The following UNC80 variants were observed in gnomAD, a reference collection of about 807,000 sequenced individuals.
UNC80 encodes the protein protein unc-80 homolog.
A neutral mutation model predicts 384.6 loss-of-function variants in UNC80; 164 were observed. The observed-to-expected ratio is 0.43, with a 90% CI of 0.38 to 0.49. The LOEUF is 0.49. Ranked by LOEUF, UNC80 falls within the 20% of genes least tolerant of loss-of-function variation. The probability of loss-of-function intolerance (pLI) is 0.00; values close to 1 mark genes in which losing one functional copy is unlikely to be tolerated. For missense variants in UNC80, 3,330 were observed against 4,143.0 expected (o/e 0.80, Z 5.39); for synonymous variants, 1,486 against 1,527.8 (o/e 0.97, Z 0.64).
At chr2:209,926,322 A>G (rs1348028825) in intron 35 of UNC80, among the ~76,000 whole-genome samples, 4 of 152,214 alleles carry the variant, frequency 2.6e-5, no homozygotes, top group African/African-American at 7.2e-5. Flanking sequence ...CTACCAAACA[A>G]GAATAATAGT....
At chr2:209,933,215 T>A (rs1335247799) in intron 38 of UNC80, among the ~76,000 whole-genome samples, 1 of 152,156 alleles carries the variant, frequency 6.6e-6, no homozygotes, top group Non-Finnish European at 1.5e-5. Context: ...GAATGAGGCA[T>A]TTTAGATGTC....
chr2:209,981,608 CAAAA>C (rs375697821), intron 59 of UNC80, among the ~76,000 whole-genome samples: 2 of 151,862 alleles, frequency 1.3e-5, no homozygotes, highest in African/African-American at 2.4e-5. Context: ...CAAAACAAAA[CAAAA>C]AAAACTCTGC....
chr2:209,994,568 C>T (rs1328551870), intron 64 of UNC80, among the ~76,000 whole-genome samples: 1 of 152,082 alleles, frequency 6.6e-6, no homozygotes, highest in Non-Finnish European at 1.5e-5. Flanking sequence ...ATCCCTAATA[C>T]AAAAATCTGA....
chr2:209,789,258 G>T (rs2077647138), intron 5 of UNC80, among the ~76,000 whole-genome samples: 1 of 152,162 alleles, frequency 6.6e-6, no homozygotes, highest in African/African-American at 2.4e-5. Flanking sequence ...CTGAGTAGGT[G>T]TTAACTATTA....
chr2:209,941,391 C>G lies in UNC80; in HGVS notation c.6817C>G (p.Leu2273Val). 1 of 1,549,884 alleles carries G rather than the reference C, an allele frequency of 6.5e-7. No individual in the cohort carries two copies. The highest frequency in any genetic ancestry group is 8.7e-7 in the Non-Finnish European group (1 of 1,146,088). Residue 2273 changes from leucine to valine, a missense_variant, in exon 44 of 65, where the codon CTC becomes GTC. Leu to Val is a conservative substitution (Grantham distance 32, BLOSUM62 1). Around this residue, in one of 8 missense-constraint regions of UNC80, gnomAD observed 1,049 missense variants for 1,488.6 expected, o/e 0.70. Coordinates refer to ENST00000673920, the MANE Select transcript of UNC80 (RefSeq NM_001371986.1). ...CCTCCACCCGGAAGACAGTGCCCTGCTCAGGCAGTATGCTGCCACCGTCAT... is the reference window on the plus strand; with the variant it reads ...CCTCCACCCGGAAGACAGTGCCCTGGTCAGGCAGTATGCTGCCACCGTCAT... ...LILHPEDSALLRQYAATVINT... is the reference protein window; with the variant it reads ...LILHPEDSALVRQYAATVINT...
In UNC80 at chr2:209,839,155, G is replaced by T. The variant is rs893756810; in HGVS notation, c.3042-67G>T. ...GCCTAAATATCATTGACAGGAAGAT[G>T]AAAGAAATTTAGGAGAATTTCTCAA... On this transcript the variant is annotated intron_variant, in intron 18 of 64. Transcript: ENST00000673920. This position sits in a 1 kb window ranked among gnomAD's most constrained non-coding sequence, Gnocchi z 4.1. 3 of 1,409,066 alleles carry T rather than the reference G, an allele frequency of 2.1e-6. No homozygotes were observed. The highest frequency in any genetic ancestry group is 2.6e-5 in the South Asian group (2 of 77,988). The allele number at this position is 1,409,066 out of a possible 1,614,324, so 87.3% of individuals were successfully genotyped here.
At chr2:209,827,294 A>G (rs1323961270) in intron 14 of UNC80, among the ~76,000 whole-genome samples, 1 of 152,148 alleles carries the variant, frequency 6.6e-6, no homozygotes, top group African/African-American at 2.4e-5. Flanking sequence ...ATCACTCCCC[A>G]TGCAGAAGAC....
chr2:209,850,712 A>G (rs1236975439), intron 22 of UNC80, among the ~76,000 whole-genome samples: 1 of 152,106 alleles, frequency 6.6e-6, no homozygotes, highest in African/African-American at 2.4e-5. Context: ...ACCTTTGAGA[A>G]TTTTTTAAAA....
intron 22 of UNC80, among the ~76,000 whole-genome samples, chr2:209,850,171 A>G (rs1402631453): frequency 6.6e-6 from 1 of 152,112 alleles, no homozygotes; most frequent in African/African-American, 2.4e-5. Flanking sequence ...ATTGTGTGCT[A>G]TTATACACGT....
At chr2:209,919,906 T>C (rs755929086) in intron 33 of UNC80, among the ~76,000 whole-genome samples, 50 of 152,234 alleles carry the variant, frequency 3.3e-4, no homozygotes, top group Non-Finnish European at 6.6e-4. Context: ...ATCAAGTACC[T>C]TGATTTTATA....
At chr2:209,965,941 A>G (rs1481808951) in intron 51 of UNC80, among the ~76,000 whole-genome samples, 1 of 152,062 alleles carries the variant, frequency 6.6e-6, no homozygotes, top group African/African-American at 2.4e-5. Flanking sequence ...TCTCAAAAAA[A>G]AAAAAAAAAA....
chr2:209,818,789 A>G (rs1325772600), intron 11 of UNC80, among the ~76,000 whole-genome samples: 1 of 152,188 alleles, frequency 6.6e-6, no homozygotes, highest in African/African-American at 2.4e-5. Flanking sequence ...CATTTTCTAC[A>G]ATCTTTAATA....
At chr2:209,866,533 C>CACACACAG (rs1307214321) in intron 22 of UNC80, among the ~76,000 whole-genome samples, 32 of 104,118 alleles carry the variant, frequency 3.1e-4, no homozygotes, top group East Asian at 1.3e-3. Context: ...CACACACACA[C>CACACACAG]AGAGAGAGAG....
intron 14 of UNC80, 24 bp from the exon 15 acceptor site, chr2:209,829,208 T>G (rs2080774147): frequency 3.9e-6 from 6 of 1,550,412 alleles, no homozygotes; most frequent in Non-Finnish European, 5.2e-6. Flanking sequence ...TTGTGACTTT[T>G]TCACTTTTCT....
At chr2:209,938,368 A>G (rs972936460) in intron 42 of UNC80, among the ~76,000 whole-genome samples, 2 of 152,230 alleles carry the variant, frequency 1.3e-5, no homozygotes, top group African/African-American at 4.8e-5. Flanking sequence ...TGATCATTTC[A>G]ATTTTCTGTA....
intron 61 of UNC80, 43 bp downstream of exon 61, chr2:209,984,955 A>T: frequency 6.6e-7 from 1 of 1,504,958 alleles, no homozygotes; most frequent in South Asian, 1.2e-5. Flanking sequence ...CTGTGCTGGG[A>T]AACTAGCTGT....
chr2:209,952,559 G>C (rs2124992188), intron 47 of UNC80, among the ~76,000 whole-genome samples: 1 of 152,226 alleles, frequency 6.6e-6, no homozygotes, highest in Admixed American at 6.5e-5. Context: ...ATTTCTGCTT[G>C]GATTTCTCCT....
chr2:209,995,450 C>T lies in UNC80; in HGVS notation c.9830C>T (p.Thr3277Ile), dbSNP rs1457474484. ...CCTGATGACTTCACAGGCCTCGAGA[C>T]ATCCAGCCTCCTACAGCATGGAGAC... ...SDPDDFTGLE[T>I]SSLLQHGDTV... The change falls in exon 65 of 65, where the codon ACA becomes ATA. Residue 3277 changes from threonine to isoleucine, a missense_variant. Physicochemically the swap from Thr to Ile is moderately conservative, Grantham distance 89. This residue lies in a region of UNC80 where 236 missense variants were observed against 254.9 expected (regional missense o/e 0.93). Coordinates refer to ENST00000673920, the MANE Select transcript of UNC80 (RefSeq NM_001371986.1). The T allele has an allele frequency of 1.3e-6, 2 of 1,551,900 alleles. No individual in the cohort carries two copies. The highest frequency in any genetic ancestry group is 1.7e-6 in the Non-Finnish European group (2 of 1,147,038).
intron 22 of UNC80, among the ~76,000 whole-genome samples, chr2:209,864,613 G>T (rs1389304028): frequency 6.6e-6 from 1 of 152,188 alleles, no homozygotes; most frequent in African/African-American, 2.4e-5. Flanking sequence ...GAGGGGTCAG[G>T]GTCAGTCCTG....
Sources: gnomAD v4.1 joint callset for allele counts (sites outside exome capture counted in the v4.1 genomes callset) on GRCh38, gnomAD v4.1.1 for gene constraint, gnomAD v4.1.1 regional missense constraint, Gnocchi (gnomAD v3.1) non-coding constraint, MANE v1.5 for transcripts, NCBI Gene and HGNC (gene_info 2026-07-23, HGNC 2026-07-21) for gene names.